NEURL1: variants seen among roughly 807,000 people sequenced by gnomAD.
NEURL1 encodes the protein E3 ubiquitin-protein ligase NEURL1.
A neutral mutation model predicts 41.2 loss-of-function variants in NEURL1; 26 were observed. The observed-to-expected ratio is 0.63, with a 90% CI of 0.46 to 0.87. The LOEUF (loss-of-function observed/expected upper bound fraction) is 0.87. NEURL1 is among the 40% of genes least tolerant of loss of function. NEURL1 has a pLI of 0.00. For missense variants in NEURL1, 761 were observed against 871.1 expected (o/e 0.87, Z 1.59); for synonymous variants, 400 against 402.3 (o/e 0.99, Z 0.07).
rs548642275 is a variant in NEURL1, at chr10:103,570,143, C to T, written c.86-729C>T. Among the ~76,000 whole-genome samples, 9 of 152,320 alleles carry T rather than the reference C, an allele frequency of 5.9e-5. No individual in the cohort carries two copies. In the East Asian group the frequency reaches 7.7e-4, roughly 13 times the overall value. ...CTCTGTCACATTTTGTGGCTTTCTACGGCTCCACCCTCTTCTCCATTCTTC... is the reference window on the plus strand; with the variant it reads ...CTCTGTCACATTTTGTGGCTTTCTATGGCTCCACCCTCTTCTCCATTCTTC... On this transcript the variant is annotated intron_variant, in intron 1 of 5. Transcript: ENST00000369780.
At chr10:103,570,162 A>G (rs2035508163) in intron 1 of NEURL1, among the ~76,000 whole-genome samples, 1 of 152,108 alleles carries the variant, frequency 6.6e-6, no homozygotes, top group African/African-American at 2.4e-5. Context: ...CCTCTTCTCC[A>G]TTCTTCACGG....
At chr10:103,584,448 CGGT>C (rs2035852323) in intron 3 of NEURL1, 85 bp from the exon 4 acceptor site, 1 of 826,822 alleles carries the variant, frequency 1.2e-6, no homozygotes, top group Non-Finnish European at 1.6e-6. Context: ...GGGATTGTAA[CGGT>C]GCGCGCGTAG....
At chr10:103,575,630 C>G (rs917027456) in intron 3 of NEURL1, among the ~76,000 whole-genome samples, 1 of 152,220 alleles carries the variant, frequency 6.6e-6, no homozygotes, top group Non-Finnish European at 1.5e-5. Flanking sequence ...GGCCAGAATC[C>G]AAGCCCACAA....
intron 3 of NEURL1, among the ~76,000 whole-genome samples, chr10:103,572,630 A>G (rs1335921158): frequency 1.3e-5 from 2 of 152,202 alleles, no homozygotes; most frequent in African/African-American, 2.4e-5. Context: ...AGGGTCACAC[A>G]GTAAGTTGGT....
At chr10:103,581,916 G>T (rs1057031370) in intron 3 of NEURL1, among the ~76,000 whole-genome samples, 1 of 152,196 alleles carries the variant, frequency 6.6e-6, no homozygotes, top group Non-Finnish European at 1.5e-5. Context: ...TTTAAAGACA[G>T]ATTAACTCCA....
chr10:103,506,170 T>C (rs979615762), intron 1 of NEURL1, among the ~76,000 whole-genome samples: 2 of 152,140 alleles, frequency 1.3e-5, no homozygotes, highest in African/African-American at 4.8e-5. Context: ...GTCCACATGC[T>C]CTTGGCTTTC....
intron 1 of NEURL1, among the ~76,000 whole-genome samples, chr10:103,509,585 TC>T (rs2034025137): frequency 6.6e-6 from 1 of 152,246 alleles, no homozygotes; most frequent in African/African-American, 2.4e-5. Context: ...TTCAGCTCCG[TC>T]ATAATCTTAT....
At position 103,508,480 on chromosome 10, in the gene NEURL1, T is replaced by A. The variant is rs1030308161; in HGVS notation, c.85+14008T>A. Among the ~76,000 whole-genome samples, 11 of 152,194 alleles carry A rather than the reference T, an allele frequency of 7.2e-5. No individual in the cohort carries two copies. The highest frequency in any genetic ancestry group is 2.7e-4 in the African/African-American group (11 of 41,444). ...CAGCCCCGAGGGACAAAGGCAGACC[T>A]TGGACTCAATGGAGTGCCAGCCCTG... is the stretch of plus-strand genomic sequence containing the variant. On this transcript the variant is annotated intron_variant, in intron 1 of 5. Transcript: ENST00000369780. This position sits in a 1 kb window ranked among gnomAD's most constrained non-coding sequence, Gnocchi z 4.3.
chr10:103,574,126 C>A (rs1323871040), intron 3 of NEURL1, among the ~76,000 whole-genome samples: 3 of 152,106 alleles, frequency 2.0e-5, no homozygotes, highest in Non-Finnish European at 4.4e-5. Context: ...AATGGGAGGG[C>A]AGATGCGTTG....
intron 1 of NEURL1, among the ~76,000 whole-genome samples, chr10:103,570,147 T>C (rs982822636): frequency 2.0e-5 from 3 of 152,202 alleles, no homozygotes; most frequent in African/African-American, 7.2e-5. Flanking sequence ...TTTCTACGGC[T>C]CCACCCTCTT....
intron 1 of NEURL1, among the ~76,000 whole-genome samples, chr10:103,531,851 G>C (rs1408394779): frequency 1.3e-4 from 20 of 152,068 alleles, no homozygotes; most frequent in Admixed American, 1.3e-3. Context: ...AATAATTTAT[G>C]CTTTATATAT....
intron 5 of NEURL1, 44 bp from the exon 6 acceptor site, chr10:103,590,090 G>T (rs1362084702): frequency 1.3e-6 from 2 of 1,583,066 alleles, no homozygotes; most frequent in East Asian, 4.5e-5. Flanking sequence ...TCCAGCGCCG[G>T]GTTGGGCCAT....
chr10:103,574,313 C>T (rs2035612320), intron 3 of NEURL1, among the ~76,000 whole-genome samples: 1 of 152,206 alleles, frequency 6.6e-6, no homozygotes, highest in South Asian at 2.1e-4. Flanking sequence ...CATGGGATGC[C>T]TTCCATCTGC....
chr10:103,573,788 C>T (rs2035598158), intron 3 of NEURL1, among the ~76,000 whole-genome samples: 1 of 152,172 alleles, frequency 6.6e-6, no homozygotes, highest in Non-Finnish European at 1.5e-5. Context: ...TCTTGCTTTT[C>T]CCTAAGCAAA....
chr10:103,557,917 C>T (rs1401866814), intron 1 of NEURL1, among the ~76,000 whole-genome samples: 1 of 152,110 alleles, frequency 6.6e-6, no homozygotes, highest in Non-Finnish European at 1.5e-5. Flanking sequence ...TCTCTCTCTG[C>T]CACCCAGATT....
Position 103,494,049 on chromosome 10 carries a change from C to A in NEURL1, c.-339C>A. On this transcript the variant is annotated 5_prime_UTR_variant, in exon 1 of 6. Transcript: ENST00000369780. ...GCGCCGGAGCCGCCGCGCCGCCCAC[C>A]CCCAGCCGGAACCCTAGCGTCCCGG... 1 of 220,724 alleles carries A rather than the reference C, an allele frequency of 4.5e-6. No homozygotes were observed. Among genetic ancestry groups the A allele is most frequent in the South Asian group, 1.3e-4 (1 of 7,742 alleles). The allele number at this position is 220,724 out of a possible 1,614,324, so 13.7% of individuals were successfully genotyped here. A position where few individuals can be genotyped will look rare whatever the true frequency, so the allele number is the denominator to read the frequency against.
At chr10:103,536,554 C>G (rs1285384450) in intron 1 of NEURL1, among the ~76,000 whole-genome samples, 1 of 151,852 alleles carries the variant, frequency 6.6e-6, no homozygotes, top group African/African-American at 2.4e-5. Flanking sequence ...CTCTCTCTCT[C>G]TCTACCTATC....
chr10:103,576,728 G>C (rs989376795), intron 3 of NEURL1, among the ~76,000 whole-genome samples: 1 of 152,070 alleles, frequency 6.6e-6, no homozygotes, highest in Non-Finnish European at 1.5e-5. Context: ...GGGATGAGGT[G>C]GGGGCTCCCG....
intron 3 of NEURL1, among the ~76,000 whole-genome samples, chr10:103,584,261 G>T (rs2035847192): frequency 1.3e-5 from 2 of 152,188 alleles, no homozygotes; most frequent in Admixed American, 1.3e-4. Context: ...TAGAAAATGA[G>T]GAAGTACACA....
Sources: allele counts gnomAD v4.1 joint callset (sites outside exome capture counted in the v4.1 genomes callset), GRCh38; gene constraint gnomAD v4.1.1; non-coding constraint Gnocchi (gnomAD v3.1); transcripts MANE v1.5; gene names NCBI Gene and HGNC (gene_info 2026-07-23, HGNC 2026-07-21).